Variants in LHFPL6 observed in about 807,000 individuals in gnomAD.
LHFPL6 encodes LHFPL tetraspan subfamily member 6, also known as LHFPL tetraspan subfamily member 6 protein.
LHFPL6 carries 9 observed loss-of-function variants against 20.6 expected under a neutral mutation model. The ratio of observed to expected loss-of-function variants is 0.44; its 90% CI spans 0.26 to 0.76. The LOEUF is 0.76. LHFPL6 is among the 30% of genes least tolerant of loss of function. LHFPL6 has a pLI of 0.20. For synonymous variants in LHFPL6, 105 were observed against 98.7 expected (o/e 1.06, Z -0.38); for missense variants, 218 against 253.5 (o/e 0.86, Z 0.95).
intron 2 of LHFPL6, among the ~76,000 whole-genome samples, chr13:39,454,814 T>C (rs1407938938): frequency 2.0e-5 from 3 of 152,224 alleles, no homozygotes; most frequent in Non-Finnish European, 2.9e-5. Context: ...ATCATTTTTG[T>C]CTTCCTACTG....
intron 3 of LHFPL6, among the ~76,000 whole-genome samples, chr13:39,366,281 G>A (rs1287656644): frequency 1.3e-5 from 2 of 152,178 alleles, no homozygotes; most frequent in Non-Finnish European, 2.9e-5. Context: ...CCACAATCTT[G>A]AGTATTTTTA....
intron 2 of LHFPL6, among the ~76,000 whole-genome samples, chr13:39,495,779 ATTTTT>A (rs10558170): frequency 1.1e-5 from 1 of 89,538 alleles, no homozygotes; most frequent in African/African-American, 4.2e-5. Context: ...TAACTCAATA[ATTTTT>A]TTTTTTTTTT....
chr13:39,554,760 G>A (rs1871250504), intron 2 of LHFPL6, among the ~76,000 whole-genome samples: 1 of 152,082 alleles, frequency 6.6e-6, no homozygotes, highest in Non-Finnish European at 1.5e-5. Flanking sequence ...CCCATCTACT[G>A]CCCTTGGGTA....
intron 2 of LHFPL6, among the ~76,000 whole-genome samples, chr13:39,425,673 T>C (rs1871618348): frequency 6.6e-6 from 1 of 152,234 alleles, no homozygotes; most frequent in Admixed American, 6.5e-5. Flanking sequence ...CCATATATTG[T>C]TTTTGATGAA....
At chr13:39,557,775 A>G (rs1392500094) in intron 2 of LHFPL6, among the ~76,000 whole-genome samples, 1 of 152,212 alleles carries the variant, frequency 6.6e-6, no homozygotes, top group Non-Finnish European at 1.5e-5. Flanking sequence ...TAGTCATAGT[A>G]ATCTCTCTGA....
chr13:39,593,729 C>T (rs1252437689), intron 2 of LHFPL6, among the ~76,000 whole-genome samples: 1 of 151,664 alleles, frequency 6.6e-6, no homozygotes, highest in Non-Finnish European at 1.5e-5. Flanking sequence ...TACAAGGCTA[C>T]AGTAACCAAA....
chr13:39,471,461 A>G (rs9315688), intron 2 of LHFPL6, among the ~76,000 whole-genome samples: 69,209 of 152,002 alleles, frequency 0.46, 16,284 homozygotes, highest in African/African-American at 0.58. Context: ...ACAAGAGGGT[A>G]ATCCCTTTGC....
chr13:39,354,746 G>A (rs528918598), intron 3 of LHFPL6, among the ~76,000 whole-genome samples: 14 of 152,118 alleles, frequency 9.2e-5, no homozygotes, highest in African/African-American at 2.7e-4. Context: ...TTCACTGCAC[G>A]AATTTCGTAA....
intron 2 of LHFPL6, among the ~76,000 whole-genome samples, chr13:39,569,071 T>A (rs1871818401): frequency 1.3e-5 from 2 of 152,154 alleles, no homozygotes; most frequent in South Asian, 4.1e-4. Flanking sequence ...GCCCTGCTCA[T>A]CAATGTATCT....
chr13:39,530,799 G>A (rs567027371), intron 2 of LHFPL6, among the ~76,000 whole-genome samples: 1 of 151,686 alleles, frequency 6.6e-6, no homozygotes, highest in East Asian at 1.9e-4. Context: ...TGAACCTGGG[G>A]AAGCAGCATA....
chr13:39,415,381 G>GTGCATGTGTATGCACA (rs1023646587), intron 2 of LHFPL6, among the ~76,000 whole-genome samples: 35 of 152,030 alleles, frequency 2.3e-4, no homozygotes, highest in Admixed American at 2.0e-4. Flanking sequence ...ACAAATTTTT[G>GTGCATGTGTATGCACA]TGCATGTGTA....
chr13:39,567,694 C>T (rs1871771905), intron 2 of LHFPL6, among the ~76,000 whole-genome samples: 1 of 152,194 alleles, frequency 6.6e-6, no homozygotes, highest in Admixed American at 6.5e-5. Context: ...CAAAAACAGG[C>T]TTCAGGCTGG....
intron 2 of LHFPL6, among the ~76,000 whole-genome samples, chr13:39,565,774 A>G (rs1413980341): frequency 6.6e-6 from 1 of 152,228 alleles, no homozygotes; most frequent in Non-Finnish European, 1.5e-5. Flanking sequence ...ATCACTCTGA[A>G]GCAAGCAAAT....
At chr13:39,592,215 GA>G (rs949016636) in intron 2 of LHFPL6, among the ~76,000 whole-genome samples, 27 of 150,048 alleles carry the variant, frequency 1.8e-4, no homozygotes, top group East Asian at 1.2e-3. Context: ...AAGCTTTTTA[GA>G]AAAAAAAAGT....
intron 2 of LHFPL6, among the ~76,000 whole-genome samples, chr13:39,565,814 A>G (rs886558190): frequency 2.6e-5 from 4 of 152,202 alleles, no homozygotes; most frequent in African/African-American, 9.7e-5. Context: ...TGCCTCAGCC[A>G]CCTACACTGG....
intron 2 of LHFPL6, among the ~76,000 whole-genome samples, chr13:39,455,203 G>T (rs1872542416): frequency 6.6e-6 from 1 of 152,060 alleles, no homozygotes; most frequent in Admixed American, 6.5e-5. Context: ...GCTGTTTCAT[G>T]TTTAAATCAT....
intron 2 of LHFPL6, among the ~76,000 whole-genome samples, chr13:39,544,033 T>C (rs982661198): frequency 6.6e-6 from 1 of 152,218 alleles, no homozygotes; most frequent in Non-Finnish European, 1.5e-5. Context: ...TTTATTTCAA[T>C]GGGCAAGAGA....
chr13:39,473,040 T>C (rs908400051), intron 2 of LHFPL6, among the ~76,000 whole-genome samples: 2 of 152,102 alleles, frequency 1.3e-5, no homozygotes, highest in Non-Finnish European at 2.9e-5. Flanking sequence ...ACCAGGCAGC[T>C]GAAGCAAAGG....
At chr13:39,410,886 C>T (rs1871228604) in intron 2 of LHFPL6, among the ~76,000 whole-genome samples, 1 of 152,208 alleles carries the variant, frequency 6.6e-6, no homozygotes, top group Admixed American at 6.5e-5. Context: ...GAGAAATCTA[C>T]AACTTCCTGA....
Sources: allele counts gnomAD v4.1 joint callset (sites outside exome capture counted in the v4.1 genomes callset), GRCh38; gene constraint gnomAD v4.1.1; transcripts MANE v1.5; gene names NCBI Gene and HGNC (gene_info 2026-07-23, HGNC 2026-07-21).